KLHL1: variants seen among roughly 807,000 people sequenced by gnomAD.
The protein encoded by KLHL1 is kelch-like protein 1.
Under a neutral mutation model 77.7 loss-of-function variants are expected in KLHL1, and 47 were observed. That is an observed-to-expected ratio of 0.60 (90% CI 0.48 to 0.77). The LOEUF (loss-of-function observed/expected upper bound fraction) is 0.77, where lower values mean the gene tolerates loss of function less well. Among genes scored for constraint, KLHL1 ranks in the 30% least tolerant of loss-of-function variants. The probability of loss-of-function intolerance (pLI) is 0.00; values close to 1 mark genes in which losing one functional copy is unlikely to be tolerated. For missense variants in KLHL1, 925 were observed against 910.8 expected, an observed-to-expected ratio of 1.02 and a Z score of -0.20; for synonymous variants, 360 against 325.2, an observed-to-expected ratio of 1.11 and a Z score of -1.15.
chr13:69,924,022 T>C (rs927102403), intron 4 of KLHL1, among the ~76,000 whole-genome samples: 5 of 152,216 alleles, frequency 3.3e-5, no homozygotes, highest in African/African-American at 7.2e-5. Flanking sequence ...CCGAGGGCTG[T>C]TGCAATTCAG....
intron 7 of KLHL1, among the ~76,000 whole-genome samples, chr13:69,760,374 A>C (rs1016246549): frequency 1.3e-5 from 2 of 151,038 alleles, no homozygotes; most frequent in Non-Finnish European, 1.5e-5. Context: ...TATTATTTTG[A>C]GACGGAATTT....
At chr13:69,863,977 T>C (rs1880272727) in intron 5 of KLHL1, among the ~76,000 whole-genome samples, 1 of 152,038 alleles carries the variant, frequency 6.6e-6, no homozygotes, top group African/African-American at 2.4e-5. Context: ...AAAGCTCAAA[T>C]TACATATGAA....
intron 4 of KLHL1, among the ~76,000 whole-genome samples, chr13:69,928,819 C>T (rs1158630926): frequency 1.3e-5 from 2 of 151,994 alleles, no homozygotes; most frequent in African/African-American, 4.8e-5. Flanking sequence ...TTGAAATGTT[C>T]TACAAGTGAT....
At chr13:69,718,471 GA>G (rs775754656) in intron 9 of KLHL1, among the ~76,000 whole-genome samples, 2 of 151,288 alleles carry the variant, frequency 1.3e-5, no homozygotes, top group East Asian at 1.9e-4. Flanking sequence ...CATGAATGAG[GA>G]AAAAAAGCAT....
chr13:69,701,385 G>GTC lies in KLHL1; in HGVS notation c.*315_*316dup, dbSNP rs1351881614. On this transcript the variant is annotated 3_prime_UTR_variant, in exon 11 of 11. Transcript: ENST00000377844. ...GAAACTATCCATGTCACAAATATTGGTCTCTCCTTTCAACTGCTCAAGAAA... is the reference window on the plus strand; with the variant it reads ...GAAACTATCCATGTCACAAATATTGGTCTCTCTCCTTTCAACTGCTCAAGAAA... 9.1e-6 allele frequency: 2 copies of GTC among 218,914 alleles called. No individual in the cohort carries two copies. The highest frequency in any genetic ancestry group is 1.8e-5 in the Non-Finnish European group (2 of 112,206). 13.6% of individuals were successfully genotyped at this position (218,914 alleles called of 1,614,324 possible).
intron 1 of KLHL1, among the ~76,000 whole-genome samples, chr13:70,023,648 T>C (rs1317454457): frequency 6.6e-6 from 1 of 151,930 alleles, no homozygotes; most frequent in Non-Finnish European, 1.5e-5. Flanking sequence ...CTTCAAACTT[T>C]CCTTTCTTGT....
At chr13:69,796,509 C>A (rs1877113118) in intron 7 of KLHL1, among the ~76,000 whole-genome samples, 1 of 152,140 alleles carries the variant, frequency 6.6e-6, no homozygotes, top group African/African-American at 2.4e-5. Context: ...GCATGGCCTC[C>A]CTTTGCCTTC....
At chr13:70,028,712 T>A (rs775979671) in intron 1 of KLHL1, among the ~76,000 whole-genome samples, 19 of 152,030 alleles carry the variant, frequency 1.2e-4, no homozygotes, top group Non-Finnish European at 2.8e-4. Context: ...CATGGTAGTT[T>A]ATGCCTGTAA....
intron 1 of KLHL1, among the ~76,000 whole-genome samples, chr13:70,087,192 C>T (rs1417982568): frequency 6.6e-6 from 1 of 152,062 alleles, no homozygotes; most frequent in African/African-American, 2.4e-5. Context: ...TAGGAAAAGT[C>T]AGGTTTCAGG....
chr13:69,754,461 A>C (rs1188792286), intron 7 of KLHL1, among the ~76,000 whole-genome samples: 1 of 152,156 alleles, frequency 6.6e-6, no homozygotes, highest in East Asian at 1.9e-4. Context: ...AAGCTCAATA[A>C]ATTTTGGCAA....
intron 5 of KLHL1, among the ~76,000 whole-genome samples, chr13:69,853,919 C>A (rs1879789797): frequency 6.6e-6 from 1 of 151,910 alleles, no homozygotes; most frequent in South Asian, 2.1e-4. Context: ...ATCACTCAAC[C>A]AATATTACTA....
chr13:69,774,541 C>G (rs1223448615), intron 7 of KLHL1, among the ~76,000 whole-genome samples: 1 of 151,640 alleles, frequency 6.6e-6, no homozygotes, highest in East Asian at 1.9e-4. Flanking sequence ...TTGTTCTTTC[C>G]TTTTATCTCA....
At chr13:69,725,003 G>A (rs1873232269) in intron 8 of KLHL1, among the ~76,000 whole-genome samples, 1 of 152,106 alleles carries the variant, frequency 6.6e-6, no homozygotes, top group Admixed American at 6.6e-5. Context: ...AGTGAATGCT[G>A]CACATGTGGT....
At chr13:70,044,137 C>T (rs1243382768) in intron 1 of KLHL1, among the ~76,000 whole-genome samples, 1 of 152,076 alleles carries the variant, frequency 6.6e-6, no homozygotes, top group Non-Finnish European at 1.5e-5. Flanking sequence ...TCCTTCTTTT[C>T]TTATCTCTTC....
intron 10 of KLHL1, among the ~76,000 whole-genome samples, chr13:69,703,642 T>C (rs1273332783): frequency 6.6e-6 from 1 of 151,710 alleles, no homozygotes; most frequent in African/African-American, 2.4e-5. Context: ...TCCTGCAAGC[T>C]TCATTCAGGT....
intron 1 of KLHL1, among the ~76,000 whole-genome samples, chr13:70,038,581 ATTTT>A (rs55885952): frequency 4.5e-4 from 33 of 73,044 alleles, no homozygotes; most frequent in Middle Eastern, 0.013. Flanking sequence ...ATTGTCATTA[ATTTT>A]TTTTTTTTTT....
chr13:69,796,265 G>C (rs1877103464), intron 7 of KLHL1, among the ~76,000 whole-genome samples: 1 of 152,124 alleles, frequency 6.6e-6, no homozygotes, highest in African/African-American at 2.4e-5. Context: ...CATTGTCATA[G>C]TTTGGATGTT....
chr13:69,867,271 A>G (rs978135596), intron 5 of KLHL1, among the ~76,000 whole-genome samples: 6 of 152,116 alleles, frequency 3.9e-5, no homozygotes, highest in South Asian at 4.1e-4. Flanking sequence ...CCTAAATTCT[A>G]TATATAATAA....
chr13:69,882,118 C>T (rs1437256432), intron 5 of KLHL1, among the ~76,000 whole-genome samples, 165 bp downstream of exon 5: 1 of 152,124 alleles, frequency 6.6e-6, no homozygotes. Context: ...ATCCACGATC[C>T]ATCATCATAC....
Sources: allele counts gnomAD v4.1 joint callset (sites outside exome capture counted in the v4.1 genomes callset), GRCh38; gene constraint gnomAD v4.1.1; transcripts MANE v1.5; gene names NCBI Gene and HGNC (gene_info 2026-07-23, HGNC 2026-07-21).